The following RNLS variants were observed in gnomAD, a reference collection of about 807,000 sequenced individuals.
RNLS encodes the protein renalase, FAD dependent amine oxidase.
In RNLS, 39 loss-of-function variants were observed where a neutral mutation model predicts 39.8. The ratio of observed to expected loss-of-function variants is 0.98; its 90% confidence interval spans 0.76 to 1.28. RNLS has a LOEUF of 1.28. RNLS is among the 50% of genes most tolerant of loss of function. The probability of loss-of-function intolerance (pLI) is 0.00; values close to 1 mark genes in which losing one functional copy is unlikely to be tolerated. For missense variants in RNLS, 410 were observed against 413.3 expected, an observed-to-expected ratio of 0.99 and a Z score of 0.07; for synonymous variants, 147 against 150.7, an observed-to-expected ratio of 0.98 and a Z score of 0.18.
At chr10:88,575,908 T>C (rs1423323317) in intron 3 of RNLS, among the ~76,000 whole-genome samples, 1 of 152,154 alleles carries the variant, frequency 6.6e-6, no homozygotes, top group Non-Finnish European at 1.5e-5. Context: ...CTCACTACCG[T>C]CCAGTCATAA....
intron 3 of RNLS, among the ~76,000 whole-genome samples, chr10:88,575,159 T>TATACAC (rs1386414416): frequency 7.4e-4 from 32 of 43,400 alleles, no homozygotes; most frequent in Non-Finnish European, 1.3e-3. Context: ...TATATATATA[T>TATACAC]ACACACACAC....
chr10:88,199,207 C>A, the RNLS span, among the ~76,000 whole-genome samples: 1 of 152,124 alleles, frequency 6.6e-6, no homozygotes, highest in African/African-American at 2.4e-5. Flanking sequence ...GAAGCCTGAA[C>A]TAGTGGGAGA....
intron 4 of RNLS, among the ~76,000 whole-genome samples, chr10:88,535,662 T>A (rs1272073480): frequency 6.6e-6 from 1 of 151,912 alleles, no homozygotes; most frequent in Non-Finnish European, 1.5e-5. Flanking sequence ...CAATAATGAG[T>A]CCCTACAGCT....
intron 6 of RNLS, among the ~76,000 whole-genome samples, chr10:88,313,715 C>T (rs1845547517): frequency 6.6e-6 from 1 of 152,168 alleles, no homozygotes; most frequent in Non-Finnish European, 1.5e-5. Context: ...GCTCAGAAAT[C>T]CCAGGAAAAA....
At chr10:88,302,136 A>T (rs1844576933) in intron 6 of RNLS, among the ~76,000 whole-genome samples, 1 of 152,242 alleles carries the variant, frequency 6.6e-6, no homozygotes, top group African/African-American at 2.4e-5. Flanking sequence ...GAGGACCTTG[A>T]GACATAGAGT....
At chr10:88,274,585 T>G (rs1057234705) in exon 7 of RNLS, 1 of 182,918 alleles carries the variant, frequency 5.5e-6, no homozygotes, top group African/African-American at 2.3e-5. Flanking sequence ...TATTTATCTA[T>G]TCATCTATCC....
At chr10:88,499,560 G>A (rs1845356485) in intron 4 of RNLS, among the ~76,000 whole-genome samples, 1 of 152,048 alleles carries the variant, frequency 6.6e-6, no homozygotes, top group Non-Finnish European at 1.5e-5. Flanking sequence ...CAGGGGTGGG[G>A]TGAGGCACAG....
In RNLS at chr10:88,410,887, C is replaced by T. The variant is rs914088873; in HGVS notation, c.527-48162G>A. Among the ~76,000 whole-genome samples the T allele has an allele frequency of 2.6e-5, 4 of 152,164 alleles. No individual in the cohort carries two copies. In the East Asian group the frequency reaches 7.7e-4, roughly 29 times the overall value. ...AGTTTGAGACTTAACAATACAACAT[C>T]ACTAGCTCTTTCTTGTGTATTGAGG... On this transcript the variant is annotated intron_variant, in intron 4 of 6. Transcript: ENST00000331772.
intron 4 of RNLS, among the ~76,000 whole-genome samples, chr10:88,398,797 C>T (rs1852727301): frequency 6.6e-6 from 1 of 151,874 alleles, no homozygotes. Flanking sequence ...TGGACTTCAT[C>T]AAAATTAAAA....
rs148379464 is a variant in RNLS, at chr10:88,511,732, C to G, written c.526+61171G>C. Among the ~76,000 whole-genome samples the G allele has an allele frequency of 4.2e-4, 62 of 147,746 alleles. 1 individual carries two copies. The highest frequency in any genetic ancestry group is 7.1e-4 in the Non-Finnish European group (47 of 66,386). ...AGTATTTAAAGAAGGCAGGAGTGAT[C>G]GTGATCTACACTCAAATGCTCCAGG... is the stretch of plus-strand genomic sequence containing the variant. On this transcript the variant is annotated intron_variant, in intron 4 of 6. Coordinates refer to ENST00000331772, the MANE Select transcript of RNLS (RefSeq NM_001031709.3).
chr10:88,278,726 T>C (rs1489030889), intron 6 of RNLS, among the ~76,000 whole-genome samples: 2 of 152,190 alleles, frequency 1.3e-5, no homozygotes, highest in African/African-American at 4.8e-5. Context: ...TGGGATGTAG[T>C]ATAAAGTAAA....
the RNLS span, among the ~76,000 whole-genome samples, chr10:88,222,060 T>C: frequency 6.6e-6 from 1 of 152,218 alleles, no homozygotes. Context: ...ACCACTCAGC[T>C]GAGGGGTTGG....
chr10:88,444,669 T>C (rs1018537724), intron 4 of RNLS, among the ~76,000 whole-genome samples: 1 of 152,050 alleles, frequency 6.6e-6, no homozygotes, highest in African/African-American at 2.4e-5. Flanking sequence ...AACTACATGA[T>C]GAATGCACAA....
chr10:88,295,655 A>G (rs904776185), intron 6 of RNLS, among the ~76,000 whole-genome samples: 1 of 152,154 alleles, frequency 6.6e-6, no homozygotes, highest in Admixed American at 6.5e-5. Flanking sequence ...GGTTTGGTCA[A>G]TTCTCAGTGG....
In RNLS at chr10:88,581,720, T is replaced by C; in HGVS notation, c.225-11A>G. On this transcript the variant is annotated splice_polypyrimidine_tract_variant and intron_variant, in intron 2 of 6. Coordinates refer to ENST00000331772, the MANE Select transcript of RNLS (RefSeq NM_001031709.3). ...AGTTCATCATAAAAACTGAAATAAA[T>C]CAATATGTATATTTAATGTAATTAT... 6.5e-7 allele frequency: 1 copy of C among 1,530,830 alleles called. No individual in the cohort carries two copies. Among genetic ancestry groups the C allele is most frequent in the Non-Finnish European group, 8.8e-7 (1 of 1,137,836 alleles). The allele number at this position is 1,530,830 out of a possible 1,614,324, so 94.8% of individuals were successfully genotyped here. A position where few individuals can be genotyped will look rare whatever the true frequency, so the allele number is the denominator to read the frequency against.
rs116227422 is a variant in RNLS at position 88,441,891 on chromosome 10, C to G, written c.527-79166G>C. ...AGGAGGGCAGCTCCTAGCTGTGATG[C>G]CTTCCTTTACCCATGCAGGCAACTT... On this transcript the variant is annotated intron_variant, in intron 4 of 6. Coordinates refer to ENST00000331772, the MANE Select transcript of RNLS (RefSeq NM_001031709.3). Among the ~76,000 whole-genome samples, 473 of 152,258 alleles carry G rather than the reference C, an allele frequency of 3.1e-3. 1 individual carries two copies. The highest frequency in any genetic ancestry group is 0.011 in the African/African-American group (450 of 41,532).
downstream of RNLS, among the ~76,000 whole-genome samples, chr10:88,272,916 A>G (rs191773770): frequency 5.3e-5 from 8 of 152,266 alleles, no homozygotes; most frequent in African/African-American, 1.9e-4. Context: ...AGGCAAATAC[A>G]TATCCCTAGA....
At chr10:88,557,444 C>G (rs1225618883) in intron 4 of RNLS, among the ~76,000 whole-genome samples, 1 of 152,098 alleles carries the variant, frequency 6.6e-6, no homozygotes, top group Non-Finnish European at 1.5e-5. Flanking sequence ...ACTTTGGAAA[C>G]AGGACTTCAG....
Position 88,362,622 on chromosome 10 carries a change from C to G in RNLS, c.630G>C (p.Trp210Cys). 1 of 1,613,888 alleles carries G rather than the reference C, an allele frequency of 6.2e-7. No homozygotes were observed. Among genetic ancestry groups the G allele is most frequent in the Non-Finnish European group, 8.5e-7 (1 of 1,179,910 alleles). The change falls in exon 5 of 7, where the codon TGG becomes TGC. Residue 210 changes from tryptophan (W) to cysteine (C), a missense_variant. By Grantham distance (215) the Trp-to-Cys change is radical. Coordinates refer to ENST00000331772, the MANE Select transcript of RNLS (RefSeq NM_001031709.3). The part of the protein sequence containing the change: ...YEAGTKIDVP[W>C]AGQYITSNPC... Reference sequence around the variant, plus strand: ...GATTACTGGTGATGTACTGCCCAGCCCAAGGGACATCAATCTTCGTACCAG... The same window carrying G: ...GATTACTGGTGATGTACTGCCCAGCGCAAGGGACATCAATCTTCGTACCAG...
Sources: gnomAD v4.1 joint callset for allele counts (sites outside exome capture counted in the v4.1 genomes callset) on GRCh38, gnomAD v4.1.1 for gene constraint, MANE v1.5 for transcripts, NCBI Gene and HGNC (gene_info 2026-07-23, HGNC 2026-07-21) for gene names.